Variants in DIP2C observed in about 807,000 individuals in gnomAD.
DIP2C encodes the protein disco-interacting protein 2 homolog C.
A neutral mutation model predicts 192.4 loss-of-function variants in DIP2C; 33 were observed. The ratio of observed to expected loss-of-function variants is 0.17; its 90% CI spans 0.13 to 0.23. DIP2C has a LOEUF of 0.23. DIP2C is among the 10% of genes least tolerant of loss of function. The pLI is 1.00. For synonymous variants in DIP2C, 979 were observed against 864.1 expected, an observed-to-expected ratio of 1.13 and a Z score of -2.33; for missense variants, 1,537 against 2,110.1, an observed-to-expected ratio of 0.73 and a Z score of 5.32.
At chr10:454,193 G>C (rs1159898328) in intron 3 of DIP2C, among the ~76,000 whole-genome samples, 1 of 152,164 alleles carries the variant, frequency 6.6e-6, no homozygotes, top group Non-Finnish European at 1.5e-5. Flanking sequence ...TAAGAACCCA[G>C]AAGCACCCAT....
chr10:663,276 G>C (rs772181175), intron 1 of DIP2C: 2 of 217,160 alleles, frequency 9.2e-6, no homozygotes, highest in Non-Finnish European at 1.8e-5. Flanking sequence ...AGCTGAAATA[G>C]GATTGGGAAA....
chr10:435,898 G>A (rs1347216168), intron 4 of DIP2C, among the ~76,000 whole-genome samples: 1 of 151,948 alleles, frequency 6.6e-6, no homozygotes, highest in Non-Finnish European at 1.5e-5. Flanking sequence ...CATCTAGACT[G>A]GCACCTTCCA....
chr10:651,236 G>A lies in DIP2C; in HGVS notation c.85+38258C>T. 3 of 716,596 alleles carry A rather than the reference G, an allele frequency of 4.2e-6. No individual in the cohort carries two copies. Among genetic ancestry groups the A allele is most frequent in the South Asian group, 3.0e-5 (2 of 67,600 alleles). The allele number at this position is 716,596 out of a possible 1,614,324, so 44.4% of individuals were successfully genotyped here. A position where few individuals can be genotyped will look rare whatever the true frequency, so the allele number is the denominator to read the frequency against. ...CCTCACCTGCATCACACCAATGATG[G>A]CGTCACAGCGTGGGTTCCGGTCACC... On this transcript the variant is annotated intron_variant, in intron 1 of 36. Transcript: ENST00000280886. This position sits in a 1 kb window ranked among gnomAD's most constrained non-coding sequence, Gnocchi z 4.1.
chr10:559,843 C>T (rs551126076), intron 1 of DIP2C, among the ~76,000 whole-genome samples: 2 of 152,332 alleles, frequency 1.3e-5, no homozygotes, highest in East Asian at 1.9e-4. Flanking sequence ...CAGCACAGCA[C>T]GGTCCAGCCA....
chr10:340,576 A>C, intron 29 of DIP2C: 1 of 355,216 alleles, frequency 2.8e-6, no homozygotes, highest in Non-Finnish European at 5.6e-6. Flanking sequence ...TGATGGCTTT[A>C]TTTTCTTCTT....
intron 10 of DIP2C, among the ~76,000 whole-genome samples, 181 bp from the exon 11 acceptor site, chr10:391,044 T>G (rs1963419134): frequency 6.6e-6 from 1 of 152,156 alleles, no homozygotes; most frequent in South Asian, 2.1e-4. Context: ...CTCAGTGTCC[T>G]CACGTGTAAA....
At chr10:634,497 G>A (rs1421011036) in intron 1 of DIP2C, among the ~76,000 whole-genome samples, 1 of 152,194 alleles carries the variant, frequency 6.6e-6, no homozygotes, top group Non-Finnish European at 1.5e-5. Flanking sequence ...CGTGGCTGAT[G>A]ATGTCAGTAC....
intron 1 of DIP2C, among the ~76,000 whole-genome samples, chr10:492,573 G>C (rs4881345): frequency 7.9e-5 from 12 of 152,168 alleles, no homozygotes; most frequent in Non-Finnish European, 1.5e-4. Flanking sequence ...CTAGCGCCCC[G>C]CACTCTGGGC....
intron 15 of DIP2C, 116 bp downstream of exon 15, chr10:384,430 G>GTT (rs1962689730): frequency 9.3e-7 from 1 of 1,071,726 alleles, no homozygotes; most frequent in Admixed American, 2.1e-5. Context: ...TAGAAACGGG[G>GTT]TTTCTCCATA....
Position 426,187 on chromosome 10 carries a change from T to C in DIP2C, c.395-3154A>G, listed in dbSNP as rs151036898. 1.2e-3 allele frequency among the ~76,000 whole-genome samples: 184 copies of C among 152,264 alleles called. 1 individual carries two copies. In the East Asian group the frequency reaches 0.028, roughly 24 times the overall value. On this transcript the variant is annotated intron_variant, in intron 4 of 36. Coordinates refer to ENST00000280886, the MANE Select transcript of DIP2C (RefSeq NM_014974.3). ...TGATGAGGTCACAGGACACAAGATA[T>C]ACATATACTAGCAATAAACAACCTG... is the stretch of plus-strand genomic sequence containing the variant.
chr10:670,218 G>A lies in DIP2C; in HGVS notation c.85+19276C>T, dbSNP rs367601793. Among the ~76,000 whole-genome samples, 239 of 142,416 alleles carry A rather than the reference G, an allele frequency of 1.7e-3. 1 individual carries two copies. The highest frequency in any genetic ancestry group is 0.011 in the East Asian group (55 of 5,082). The allele number at this position is 142,416 out of a possible 152,430, so 93.4% of individuals were successfully genotyped here. A position where few individuals can be genotyped will look rare whatever the true frequency, so the allele number is the denominator to read the frequency against. ...TGTGTGCACATGTATGCACACATACGCACACGCATGCATGCACACGCATAT... is the reference window on the plus strand; with the variant it reads ...TGTGTGCACATGTATGCACACATACACACACGCATGCATGCACACGCATAT... On this transcript the variant is annotated intron_variant, in intron 1 of 36. Transcript: ENST00000280886.
At chr10:568,765 C>CA (rs1206501677) in intron 1 of DIP2C, among the ~76,000 whole-genome samples, 1,507 of 37,798 alleles carry the variant, frequency 0.04, 445 homozygotes, top group Middle Eastern at 0.062. Flanking sequence ...AACTCCGTCT[C>CA]AAAAAAAAAA....
rs200714569 is a variant in DIP2C, at chr10:369,524, C to A, written c.2101G>T (p.Val701Leu). Residue 701 changes from valine to leucine, a missense_variant, in exon 18 of 37, where the codon GTG becomes TTG. Val to Leu is a conservative substitution (Grantham distance 32, BLOSUM62 1). Around this residue, in one of 4 missense-constraint regions of DIP2C, gnomAD observed 677 missense variants for 989.9 expected, o/e 0.68. Coordinates refer to ENST00000280886, the MANE Select transcript of DIP2C (RefSeq NM_014974.3). Reference sequence around the variant, plus strand: ...GGCATCACGAGGCCGACATCCTGCACGGTGAGCACGGACAGCTTCTCTTCC... The same window carrying A: ...GGCATCACGAGGCCGACATCCTGCAAGGTGAGCACGGACAGCTTCTCTTCC... ...DSEEKLSVLT[V>L]QDVGLVMPGA... 311 of 1,569,888 alleles carry A rather than the reference C, an allele frequency of 2.0e-4. No homozygotes were observed. The highest frequency in any genetic ancestry group is 2.6e-4 in the Non-Finnish European group (295 of 1,154,988).
At position 384,728 on chromosome 10, in the gene DIP2C, C is replaced by T. The variant is rs371335080; in HGVS notation, c.1663-89G>A. On this transcript the variant is annotated intron_variant, in intron 14 of 36. Transcript: ENST00000280886. ...CCAGTGGCATGGACACTAGGCCGCA[C>T]GGGCAGGGGGGAGCTCTCAGGGAGC... 69 of 1,329,782 alleles carry T rather than the reference C, an allele frequency of 5.2e-5. No homozygotes were observed. In the East Asian group the frequency reaches 5.8e-4, roughly 11 times the overall value. The allele number at this position is 1,329,782 out of a possible 1,614,324, so 82.4% of individuals were successfully genotyped here. A position where few individuals can be genotyped will look rare whatever the true frequency, so the allele number is the denominator to read the frequency against.
chr10:595,663 C>A (rs1036717799), intron 1 of DIP2C, among the ~76,000 whole-genome samples: 8 of 152,150 alleles, frequency 5.3e-5, no homozygotes, highest in African/African-American at 1.7e-4. Flanking sequence ...TTCCAGGACA[C>A]CCCGGGTTTA....
chr10:486,424 T>C, intron 2 of DIP2C, 35 bp downstream of exon 2: 1 of 1,552,672 alleles, frequency 6.4e-7, no homozygotes, highest in Non-Finnish European at 8.7e-7. Flanking sequence ...ATGCGGGAAA[T>C]GAGAGGACTC....
At position 627,141 on chromosome 10, in the gene DIP2C, C is replaced by T. The variant is rs139582913; in HGVS notation, c.85+62353G>A. ...GGTGGTCCCCGCACACGCAGTGGCT[C>T]TGTAACATCCTCCAAGGAGCCTGGC... On this transcript the variant is annotated intron_variant, in intron 1 of 36. Transcript: ENST00000280886. 3.5e-4 allele frequency among the ~76,000 whole-genome samples: 53 copies of T among 152,384 alleles called. 2 individuals are homozygous for T. The East Asian group carries it at 9.3e-3, about 27-fold the overall frequency.
intron 24 of DIP2C, among the ~76,000 whole-genome samples, chr10:349,877 A>T (rs1958706618): frequency 6.6e-6 from 1 of 152,218 alleles, no homozygotes; most frequent in South Asian, 2.1e-4. Flanking sequence ...TAGAAAGACC[A>T]CATCAAAAAT....
chr10:629,319 G>A (rs1854376172), intron 1 of DIP2C, among the ~76,000 whole-genome samples: 1 of 152,076 alleles, frequency 6.6e-6, no homozygotes, highest in African/African-American at 2.4e-5. Context: ...CCAAGATCCG[G>A]GCCAACTCCA....
Sources: allele counts gnomAD v4.1 joint callset (sites outside exome capture counted in the v4.1 genomes callset), GRCh38; gene constraint gnomAD v4.1.1; regional missense constraint gnomAD v4.1.1; non-coding constraint Gnocchi (gnomAD v3.1); transcripts MANE v1.5; gene names NCBI Gene and HGNC (gene_info 2026-07-23, HGNC 2026-07-21).